SLC14A2: variants seen among roughly 807,000 people sequenced by gnomAD.
SLC14A2 encodes urea transporter 2.
SLC14A2 carries 91 observed loss-of-function variants against 104.6 expected under a neutral mutation model. That is an observed-to-expected ratio of 0.87 (90% CI 0.73 to 1.04). The LOEUF (loss-of-function observed/expected upper bound fraction) is 1.04, where lower values mean the gene tolerates loss of function less well. Among genes scored for constraint, SLC14A2 ranks in the 50% least tolerant of loss-of-function variants. SLC14A2 has a pLI of 0.00. For synonymous variants in SLC14A2, 476 were observed against 466.4 expected, an observed-to-expected ratio of 1.02 and a Z score of -0.27; for missense variants, 1,189 against 1,156.0, an observed-to-expected ratio of 1.03 and a Z score of -0.41.
At chr18:45,632,142 TGTTTG>T (rs747885623) in intron 4 of SLC14A2, among the ~76,000 whole-genome samples, 4 of 116,408 alleles carry the variant, frequency 3.4e-5, no homozygotes, top group African/African-American at 9.1e-5. Flanking sequence ...TGTGTGTGTG[TGTTTG>T]TGTGTGTGTG....
At chr18:45,628,131 A>G (rs1318521796) in intron 4 of SLC14A2, among the ~76,000 whole-genome samples, 1 of 152,116 alleles carries the variant, frequency 6.6e-6, no homozygotes, top group Non-Finnish European at 1.5e-5. Flanking sequence ...GATGGTCAGA[A>G]TCACTTAAGG....
chr18:45,589,270 G>C (rs957306649), intron 2 of SLC14A2, among the ~76,000 whole-genome samples: 18 of 151,522 alleles, frequency 1.2e-4, no homozygotes, highest in African/African-American at 4.1e-4. Context: ...GTTAAGAGTT[G>C]GGGGCTAGTT....
At chr18:45,364,829 AACTC>A (rs2085650370) in intron 1 of SLC14A2, among the ~76,000 whole-genome samples, 1 of 152,148 alleles carries the variant, frequency 6.6e-6, no homozygotes, top group South Asian at 2.1e-4. Context: ...TACAAGCAGG[AACTC>A]ACTCACAGGA....
At chr18:45,207,444 G>A in the SLC14A2 span, among the ~76,000 whole-genome samples, 4 of 151,544 alleles carry the variant, frequency 2.6e-5, no homozygotes, top group Admixed American at 1.3e-4. Context: ...AAGAGAAAGC[G>A]TAGGGGATGG....
intron 1 of SLC14A2, among the ~76,000 whole-genome samples, chr18:45,419,999 G>A (rs1232979762): frequency 1.3e-5 from 2 of 152,204 alleles, no homozygotes; most frequent in African/African-American, 4.8e-5. Flanking sequence ...AACAACAATA[G>A]TCATTTAATA....
Position 45,558,814 on chromosome 18 carries a change from C to T in SLC14A2, c.-34-65817C>T, listed in dbSNP as rs375992107. ...CCTTTGAGTTTCTTTTTTTTTGAGA[C>T]GGAGTCTCACTCTGTCGCCAGGCTG... On this transcript the variant is annotated intron_variant, in intron 2 of 20. Transcript: ENST00000586448. Among the ~76,000 whole-genome samples the T allele has an allele frequency of 3.9e-4, 60 of 152,042 alleles. No homozygotes were observed. The East Asian group carries it at 9.9e-3, about 25-fold the overall frequency.
Position 45,669,291 on chromosome 18 carries a change from T to G in SLC14A2, c.2037-15T>G, listed in dbSNP as rs1359891902. The G allele has an allele frequency of 3.7e-6, 6 of 1,605,176 alleles. No individual in the cohort carries two copies. Among genetic ancestry groups the G allele is most frequent in the Non-Finnish European group, 5.1e-6 (6 of 1,175,034 alleles). ...GCGGCTTCCTGACCAGCATCTCTCA[T>G]GCTTCTGCCATCAGCCCCATCCTCT... On this transcript the variant is annotated splice_polypyrimidine_tract_variant and intron_variant, in intron 15 of 19. Coordinates refer to ENST00000255226, the MANE Select transcript of SLC14A2 (RefSeq NM_007163.4).
chr18:45,494,401 C>G (rs2043054857), intron 2 of SLC14A2, among the ~76,000 whole-genome samples: 1 of 152,100 alleles, frequency 6.6e-6, no homozygotes, highest in South Asian at 2.1e-4. Context: ...CAAGCCAAAA[C>G]TTGGTAGTCA....
intron 6 of SLC14A2, among the ~76,000 whole-genome samples, chr18:45,639,391 C>T (rs1381947474): frequency 6.6e-6 from 1 of 152,158 alleles, no homozygotes; most frequent in Non-Finnish European, 1.5e-5. Context: ...GTATGGATTT[C>T]AGAAGGTCTA....
intron 1 of SLC14A2, among the ~76,000 whole-genome samples, chr18:45,402,580 T>C (rs770647486): frequency 2.0e-5 from 3 of 152,282 alleles, no homozygotes; most frequent in South Asian, 2.1e-4. Context: ...CTTGTCAACA[T>C]TGAAATATCT....
chr18:45,439,402 G>A (rs1355881638), intron 1 of SLC14A2, among the ~76,000 whole-genome samples: 1 of 152,088 alleles, frequency 6.6e-6, no homozygotes, highest in African/African-American at 2.4e-5. Context: ...GAAGTGTTCA[G>A]TAAAAAAACT....
intron 1 of SLC14A2, among the ~76,000 whole-genome samples, chr18:45,459,469 A>G (rs950470719): frequency 7.2e-5 from 11 of 152,188 alleles, no homozygotes; most frequent in African/African-American, 2.7e-4. Context: ...GTGATGTCAT[A>G]CAAACGTCCA....
At chr18:45,377,522 T>G (rs1367202644) in intron 1 of SLC14A2, among the ~76,000 whole-genome samples, 1 of 152,098 alleles carries the variant, frequency 6.6e-6, no homozygotes, top group Non-Finnish European at 1.5e-5. Flanking sequence ...CCATTTGACC[T>G]CTACCTCTTT....
chr18:45,637,283 A>AGG, intron 6 of SLC14A2, 101 bp downstream of exon 6: 1 of 918,758 alleles, frequency 1.1e-6, no homozygotes, highest in Non-Finnish European at 1.7e-6. Flanking sequence ...TTCTCTAGAA[A>AGG]CATCTATACC....
At chr18:45,225,258 C>T (rs2084103072) in intron 1 of SLC14A2, among the ~76,000 whole-genome samples, 1 of 152,060 alleles carries the variant, frequency 6.6e-6, no homozygotes, top group Admixed American at 6.6e-5. Flanking sequence ...AATCCTTTCC[C>T]CATTTCTTGT....
chr18:45,344,809 A>G (rs571198210), intron 1 of SLC14A2, among the ~76,000 whole-genome samples: 9 of 152,334 alleles, frequency 5.9e-5, no homozygotes, highest in African/African-American at 1.7e-4. Flanking sequence ...CACCTAATGC[A>G]TGACCCGTCA....
intron 1 of SLC14A2, among the ~76,000 whole-genome samples, chr18:45,280,784 T>G (rs1257719119): frequency 3.3e-5 from 5 of 152,196 alleles, no homozygotes; most frequent in Non-Finnish European, 5.9e-5. Flanking sequence ...GTCTGGCTTT[T>G]GACCCCTGCC....
intron 2 of SLC14A2, among the ~76,000 whole-genome samples, chr18:45,537,229 C>CAG (rs920026881): frequency 7.2e-5 from 11 of 151,908 alleles, no homozygotes; most frequent in African/African-American, 2.7e-4. Context: ...GCTTACATAC[C>CAG]AGCAGAGATG....
At chr18:45,646,541 T>C (rs374993128) in intron 10 of SLC14A2, 25 of 152,228 alleles carry the variant, frequency 1.6e-4, no homozygotes, top group African/African-American at 4.3e-4. Context: ...TTGGGTCTGA[T>C]TGGGGACTGT....
Sources: gnomAD v4.1 joint callset for allele counts (sites outside exome capture counted in the v4.1 genomes callset) on GRCh38, gnomAD v4.1.1 for gene constraint, MANE v1.5 for transcripts, NCBI Gene and HGNC (gene_info 2026-07-23, HGNC 2026-07-21) for gene names.